The following ST7L variants were observed in gnomAD, a reference collection of about 807,000 sequenced individuals.
ST7L encodes the protein suppressor of tumorigenicity 7 protein-like.
ST7L carries 57 observed loss-of-function variants against 72.5 expected under a neutral mutation model. The ratio of observed to expected loss-of-function variants is 0.79; its 90% confidence interval spans 0.64 to 0.98. The LOEUF (loss-of-function observed/expected upper bound fraction) is 0.98. ST7L is among the 50% of genes least tolerant of loss of function. ST7L has a pLI of 0.00. For missense variants in ST7L, 576 were observed against 672.2 expected (o/e 0.86, Z 1.58); for synonymous variants, 221 against 240.9 (o/e 0.92, Z 0.77).
Position 112,523,875 on chromosome 1 carries a change from G to A in ST7L, c.*2138C>T, listed in dbSNP as rs907253322. The A allele has an allele frequency of 6.6e-6, 1 of 151,864 alleles. No individual in the cohort carries two copies. Among genetic ancestry groups the A allele is most frequent in the Non-Finnish European group, 1.5e-5 (1 of 67,994 alleles). The allele number at this position is 151,864 out of a possible 1,614,324, so 9.4% of individuals were successfully genotyped here. A position where few individuals can be genotyped will look rare whatever the true frequency, so the allele number is the denominator to read the frequency against. On this transcript the variant is annotated 3_prime_UTR_variant, in exon 15 of 15. Transcript: ENST00000358039. ...GTTTTTTTAATGTAAAAGTAAGAAT[G>A]CCAGCCTTAACCTAGCCCTGCAGAT...
intron 10 of ST7L, 134 bp from the exon 11 acceptor site, chr1:112,577,222 CAAAA>C (rs879471946): frequency 4.3e-5 from 13 of 302,734 alleles, no homozygotes; most frequent in East Asian, 1.0e-4. Context: ...AGAGGACTAA[CAAAA>C]AAAAAAAAAA....
chr1:112,616,474 GC>G (rs1431262488), intron 2 of ST7L, among the ~76,000 whole-genome samples: 2 of 152,172 alleles, frequency 1.3e-5, no homozygotes, highest in Non-Finnish European at 2.9e-5. Context: ...CCAGGGCGGT[GC>G]CTCACGCCTG....
chr1:112,551,136 A>ATTTT (rs1658060983), intron 12 of ST7L, among the ~76,000 whole-genome samples: 3 of 119,732 alleles, frequency 2.5e-5, no homozygotes, highest in African/African-American at 1.1e-4. Flanking sequence ...CTATGAGCAG[A>ATTTT]TCTTTTTTTT....
chr1:112,539,429 G>A (rs1409843795), intron 14 of ST7L, among the ~76,000 whole-genome samples: 1 of 152,202 alleles, frequency 6.6e-6, no homozygotes, highest in African/African-American at 2.4e-5. Flanking sequence ...GCCAAGGTGG[G>A]TTGATCACTT....
Position 112,582,657 on chromosome 1 carries a change from C to T in ST7L, c.857-185G>A, listed in dbSNP as rs534537551. ...GATAAATATTGAACAGGAGTGTTCTCTATTTTTGCGCATGTTTCAAGTTTT... is the reference window on the plus strand; with the variant it reads ...GATAAATATTGAACAGGAGTGTTCTTTATTTTTGCGCATGTTTCAAGTTTT... On this transcript the variant is annotated intron_variant, in intron 7 of 14. Transcript: ENST00000358039. Among the ~76,000 whole-genome samples, 3 of 152,170 alleles carry T rather than the reference C, an allele frequency of 2.0e-5. 1 individual carries two copies. The highest frequency in any genetic ancestry group is 6.8e-3 in the Middle Eastern group (2 of 294).
intron 12 of ST7L, among the ~76,000 whole-genome samples, chr1:112,552,871 A>G (rs1410030545): frequency 6.6e-6 from 1 of 152,080 alleles, no homozygotes; most frequent in African/African-American, 2.4e-5. Context: ...TGGGAGGCCA[A>G]GGTGGAAGGA....
chr1:112,560,968 A>G (rs1014134936), intron 11 of ST7L, among the ~76,000 whole-genome samples: 7 of 111,370 alleles, frequency 6.3e-5, no homozygotes, highest in Non-Finnish European at 1.6e-4. Flanking sequence ...CATCTTAAAG[A>G]AAAAAAAAAA....
chr1:112,617,147 T>C (rs1670007881), intron 1 of ST7L: 1 of 239,086 alleles, frequency 4.2e-6, no homozygotes. Flanking sequence ...ATAATTTAGA[T>C]AGAACTTTTG....
rs909348133 is a variant in ST7L at position 112,577,153 on chromosome 1, GATA to G, written c.1143-68_1143-66del. 1.9e-5 allele frequency: 21 copies of G among 1,089,000 alleles called. No homozygotes were observed. In the African/African-American group the frequency reaches 2.2e-4, roughly 11 times the overall value. 67.5% of individuals were successfully genotyped at this position (1,089,000 alleles called of 1,614,324 possible). ...AAAAAAGAAAAAAAGTATGAATTTA[GATA>G]ATAATACAGCCCCTTGAATCAAAAG... On this transcript the variant is annotated intron_variant, in intron 10 of 14. Transcript: ENST00000358039.
At chr1:112,614,885 T>C (rs915588377) in intron 2 of ST7L, among the ~76,000 whole-genome samples, 2 of 152,224 alleles carry the variant, frequency 1.3e-5, no homozygotes, top group African/African-American at 4.8e-5. Context: ...TTCCAAAGTG[T>C]ACACTAGTAA....
intron 5 of ST7L, among the ~76,000 whole-genome samples, chr1:112,595,295 G>A (rs1666286933): frequency 6.7e-6 from 1 of 149,618 alleles, no homozygotes; most frequent in Admixed American, 6.8e-5. Flanking sequence ...AACCCAGGAG[G>A]TGGAGGTTGT....
chr1:112,552,954 A>C (rs567761865), intron 12 of ST7L, among the ~76,000 whole-genome samples: 1 of 151,968 alleles, frequency 6.6e-6, no homozygotes, highest in Non-Finnish European at 1.5e-5. Context: ...AAAAGTAATA[A>C]AAGAAAATAA....
At chr1:112,572,089 T>C (rs1041703659) in intron 11 of ST7L, among the ~76,000 whole-genome samples, 7 of 152,214 alleles carry the variant, frequency 4.6e-5, no homozygotes, top group Non-Finnish European at 8.8e-5. Flanking sequence ...ACTAGGTACA[T>C]TGTCAATGAG....
At chr1:112,572,868 G>T (rs1274949065) in intron 11 of ST7L, among the ~76,000 whole-genome samples, 1 of 152,020 alleles carries the variant, frequency 6.6e-6, no homozygotes, top group Non-Finnish European at 1.5e-5. Context: ...GAAGACACAG[G>T]AAATTAAAAT....
chr1:112,574,065 C>T (rs1662637430), intron 11 of ST7L, among the ~76,000 whole-genome samples: 1 of 148,912 alleles, frequency 6.7e-6, no homozygotes, highest in African/African-American at 2.5e-5. Context: ...CAGGCGCACC[C>T]CACCACACCC....
At chr1:112,537,228 A>G (rs1244395130) in intron 14 of ST7L, among the ~76,000 whole-genome samples, 2 of 152,082 alleles carry the variant, frequency 1.3e-5, no homozygotes, top group African/African-American at 4.8e-5. Flanking sequence ...CTAACTCCTG[A>G]CCTCAAGTGA....
chr1:112,577,551 A>T (rs1161354397), intron 10 of ST7L, among the ~76,000 whole-genome samples: 1 of 151,166 alleles, frequency 6.6e-6, no homozygotes, highest in Non-Finnish European at 1.5e-5. Context: ...AAAAAAAAAA[A>T]AAAAGTATAG....
At chr1:112,542,820 A>G (rs1233996068) in intron 13 of ST7L, among the ~76,000 whole-genome samples, 1 of 151,760 alleles carries the variant, frequency 6.6e-6, no homozygotes, top group Non-Finnish European at 1.5e-5. Flanking sequence ...TTTTTGAAGA[A>G]GAAGAGTCTC....
rs944549377 is a variant in ST7L at position 112,523,680 on chromosome 1, C to T, written c.*2333G>A. ...TTAGCCCCTCTCCTCTCTTCCATTCCTTCCTGTTGGTACTCATTTCTTCTA... is the reference window on the plus strand; with the variant it reads ...TTAGCCCCTCTCCTCTCTTCCATTCTTTCCTGTTGGTACTCATTTCTTCTA... On this transcript the variant is annotated 3_prime_UTR_variant, in exon 15 of 15. Coordinates refer to ENST00000358039, the MANE Select transcript of ST7L (RefSeq NM_017744.5). The T allele has an allele frequency of 5.3e-5, 8 of 152,152 alleles. No individual in the cohort carries two copies. Among genetic ancestry groups the T allele is most frequent in the Non-Finnish European group, 1.0e-4 (7 of 68,042 alleles). The allele number at this position is 152,152 out of a possible 1,614,324, so 9.4% of individuals were successfully genotyped here.
Sources: gnomAD v4.1 joint callset for allele counts (sites outside exome capture counted in the v4.1 genomes callset) on GRCh38, gnomAD v4.1.1 for gene constraint, MANE v1.5 for transcripts, NCBI Gene and HGNC (gene_info 2026-07-23, HGNC 2026-07-21) for gene names.